MYO3A: variants seen among roughly 807,000 people sequenced by gnomAD.
The protein encoded by MYO3A is myosin-IIIa.
MYO3A carries 180 observed loss-of-function variants against 192.7 expected under a neutral mutation model. The observed-to-expected ratio is 0.93, with a 90% CI of 0.83 to 1.06. The LOEUF (loss-of-function observed/expected upper bound fraction) is 1.06. MYO3A is among the 50% of genes least tolerant of loss of function. The pLI, the probability that MYO3A is intolerant of heterozygous loss-of-function variation, is 0.00. For synonymous variants in MYO3A, 628 were observed against 645.3 expected (o/e 0.97, Z 0.41); for missense variants, 1,896 against 1,905.0 (o/e 1.00, Z 0.09).
chr10:26,120,409 CTCATTT>C, intron 17 of MYO3A, among the ~76,000 whole-genome samples: 1 of 152,316 alleles, frequency 6.6e-6, no homozygotes, highest in African/African-American at 2.4e-5. Flanking sequence ...AGAACAGCTT[CTCATTT>C]TTATTTTTTA....
rs531931869 is a variant in MYO3A at position 25,984,608 on chromosome 10, A to G, written c.304-11882A>G. Among the ~76,000 whole-genome samples, 11 of 152,136 alleles carry G rather than the reference A, an allele frequency of 7.2e-5. No homozygotes were observed. The South Asian group carries it at 2.1e-3, about 29-fold the overall frequency. On this transcript the variant is annotated intron_variant, in intron 4 of 34. Transcript: ENST00000642920. ...GCTGTTCTCTTCTTCTTTCTTGCCC[A>G]TTAAACTTTTCGCTCTTTGAAACCA...
At chr10:26,020,216 A>G (rs1048175154) in intron 7 of MYO3A, among the ~76,000 whole-genome samples, 10 of 152,168 alleles carry the variant, frequency 6.6e-5, no homozygotes, top group Admixed American at 2.6e-4. Context: ...CCCTTCCTCT[A>G]TCCCAACTCC....
At chr10:26,011,598 A>G (rs1316029444) in intron 6 of MYO3A, among the ~76,000 whole-genome samples, 1 of 152,218 alleles carries the variant, frequency 6.6e-6, no homozygotes, top group African/African-American at 2.4e-5. Context: ...AACCAATAAC[A>G]AACAGCAAGA....
intron 17 of MYO3A, among the ~76,000 whole-genome samples, chr10:26,106,902 C>T (rs1488065140): frequency 6.7e-6 from 1 of 149,074 alleles, no homozygotes; most frequent in Non-Finnish European, 1.5e-5. Context: ...ATTTTTGCAT[C>T]TATATATTTA....
At chr10:26,112,903 T>G (rs947186007) in intron 17 of MYO3A, among the ~76,000 whole-genome samples, 1 of 152,208 alleles carries the variant, frequency 6.6e-6, no homozygotes, top group Non-Finnish European at 1.5e-5. Context: ...GAGTAGTTTG[T>G]CTCATTTAGA....
intron 10 of MYO3A, among the ~76,000 whole-genome samples, chr10:26,033,821 T>C (rs1455003328): frequency 6.6e-6 from 1 of 152,156 alleles, no homozygotes; most frequent in Non-Finnish European, 1.5e-5. Flanking sequence ...GACTGAATCA[T>C]GTGAAGATAG....
At position 26,075,242 on chromosome 10, in the gene MYO3A, A is replaced by G. The variant is rs1835454886; in HGVS notation, c.1359+4841A>G. ...TTGAGGTTTTTTATTATTTCATACA[A>G]ATTTTTGGATTTTTTCTTTTTTAAT... On this transcript the variant is annotated intron_variant, in intron 14 of 34. Coordinates refer to ENST00000642920, the MANE Select transcript of MYO3A (RefSeq NM_017433.5). Among the ~76,000 whole-genome samples, 2 of 151,392 alleles carry G rather than the reference A, an allele frequency of 1.3e-5. 1 individual carries two copies. The highest frequency in any genetic ancestry group is 4.2e-4 in the South Asian group (2 of 4,798).
At chr10:26,108,566 G>A (rs1837969629) in intron 17 of MYO3A, among the ~76,000 whole-genome samples, 1 of 152,154 alleles carries the variant, frequency 6.6e-6, no homozygotes, top group Non-Finnish European at 1.5e-5. Context: ...AGGCACTGTT[G>A]ACTCCCTTCT....
At chr10:26,188,115 A>G (rs1376876954) in intron 31 of MYO3A, among the ~76,000 whole-genome samples, 9 of 152,194 alleles carry the variant, frequency 5.9e-5, no homozygotes, top group South Asian at 2.1e-4. Flanking sequence ...CCAACAGTGT[A>G]AAAGTGTTCC....
intron 15 of MYO3A, among the ~76,000 whole-genome samples, chr10:26,093,240 A>G (rs1368889721): frequency 6.6e-6 from 1 of 152,198 alleles, no homozygotes; most frequent in African/African-American, 2.4e-5. Context: ...GTTAATGTTA[A>G]CAATCACATT....
chr10:26,200,272 A>T lies in MYO3A; in HGVS notation c.4546-993A>T, dbSNP rs1030991828. Among the ~76,000 whole-genome samples, 416 of 152,330 alleles carry T rather than the reference A, an allele frequency of 2.7e-3. 2 individuals are homozygous for T. The highest frequency in any genetic ancestry group is 9.4e-3 in the African/African-American group (391 of 41,576). ...CACAACAAATGATAAATCCTGAAAA[A>T]AACGTGACTTACTGTGTCTCTAAGA... is the stretch of plus-strand genomic sequence containing the variant. On this transcript the variant is annotated intron_variant, in intron 32 of 34. Transcript: ENST00000642920.
chr10:26,072,612 C>A (rs987243607), intron 14 of MYO3A, among the ~76,000 whole-genome samples: 4 of 151,272 alleles, frequency 2.6e-5, no homozygotes, highest in African/African-American at 9.7e-5. Context: ...TTTTGAGAGG[C>A]CTGAAGGTGG....
In MYO3A at chr10:26,096,393, T is replaced by A. The variant is rs1423134583; in HGVS notation, c.1575T>A (p.Asn525Lys). The A allele has an allele frequency of 3.7e-6, 6 of 1,610,822 alleles. No homozygotes were observed. The highest frequency in any genetic ancestry group is 2.2e-5 in the East Asian group (1 of 44,796). ...TCTTTTTTTCCAGTGGAGAAAAAAATTTTCATATTTTTTACTACATTTATG... is the reference window on the plus strand; with the variant it reads ...TCTTTTTTTCCAGTGGAGAAAAAAAATTTCATATTTTTTACTACATTTATG... ...RVIHQAIGEK[N>K]FHIFYYIYAG... Residue 525 changes from asparagine to lysine, a missense_variant, in exon 16 of 35, where the codon AAT becomes AAA. Physicochemically the swap from Asn to Lys is moderately conservative, Grantham distance 94. Coordinates refer to ENST00000642920, the MANE Select transcript of MYO3A (RefSeq NM_017433.5).
At chr10:26,177,294 A>G (rs927750663) in intron 31 of MYO3A, among the ~76,000 whole-genome samples, 3 of 152,138 alleles carry the variant, frequency 2.0e-5, no homozygotes, top group Non-Finnish European at 4.4e-5. Context: ...TAGTCAACCT[A>G]TTATACTAAA....
chr10:26,102,291 C>T (rs1166110423), intron 17 of MYO3A, among the ~76,000 whole-genome samples: 1 of 152,172 alleles, frequency 6.6e-6, no homozygotes, highest in Non-Finnish European at 1.5e-5. Context: ...TCTAGTTAGC[C>T]ATTTGTCTAA....
intron 17 of MYO3A, among the ~76,000 whole-genome samples, chr10:26,103,854 T>C (rs1308176741): frequency 6.6e-6 from 1 of 152,224 alleles, no homozygotes; most frequent in East Asian, 1.9e-4. Flanking sequence ...TCAACACTTA[T>C]TGTTATCTGT....
intron 2 of MYO3A, among the ~76,000 whole-genome samples, chr10:25,948,456 C>G (rs1179652211): frequency 6.6e-6 from 1 of 151,898 alleles, no homozygotes; most frequent in Non-Finnish European, 1.5e-5. Context: ...ATGCACATAT[C>G]AAATTATGTT....
chr10:26,049,188 A>T (rs917529241), intron 10 of MYO3A, among the ~76,000 whole-genome samples: 1 of 152,170 alleles, frequency 6.6e-6, no homozygotes, highest in Non-Finnish European at 1.5e-5. Context: ...AAGATGACAT[A>T]CTCATTGATA....
chr10:25,934,420 C>T (rs1270157851), intron 1 of MYO3A, 92 bp downstream of exon 1: 1 of 152,320 alleles, frequency 6.6e-6, no homozygotes. Flanking sequence ...TTCCTTGGAC[C>T]CCGGGGCTTG....
Sources: gnomAD v4.1 joint callset for allele counts (sites outside exome capture counted in the v4.1 genomes callset) on GRCh38, gnomAD v4.1.1 for gene constraint, MANE v1.5 for transcripts, NCBI Gene and HGNC (gene_info 2026-07-23, HGNC 2026-07-21) for gene names.